Variants in RIN2 observed in about 807,000 individuals in gnomAD.
RIN2 encodes Ras and Rab interactor 2, also known as RAB5 interacting protein 2.
RIN2 carries 36 observed loss-of-function variants against 78.0 expected under a neutral mutation model. The observed-to-expected ratio is 0.46, with a 90% CI of 0.35 to 0.61. The LOEUF (loss-of-function observed/expected upper bound fraction) is 0.61, where lower values mean the gene tolerates loss of function less well. RIN2 is among the 20% of genes least tolerant of loss of function. The pLI is 0.00. For synonymous variants in RIN2, 466 were observed against 466.8 expected (o/e 1.00, Z 0.02); for missense variants, 1,087 against 1,159.7 (o/e 0.94, Z 0.91).
chr20:19,932,360 A>C (rs1271878644), intron 3 of RIN2, among the ~76,000 whole-genome samples: 1 of 152,200 alleles, frequency 6.6e-6, no homozygotes, highest in Non-Finnish European at 1.5e-5. Context: ...TTCTGTTCTT[A>C]ATAAATTAGC....
At chr20:19,816,276 G>T (rs1263834014) in intron 2 of RIN2, among the ~76,000 whole-genome samples, 4 of 152,148 alleles carry the variant, frequency 2.6e-5, no homozygotes, top group Admixed American at 1.3e-4. Flanking sequence ...GTTTCCACTT[G>T]CAGTTAGCAT....
rs370646119 is a variant in RIN2, at chr20:19,975,159, C to T, written c.1134C>T (p.Ser378=). ...LEAEGGAKTL[S]GGRPGAGPEL... ...CAGAGGGCGGTGCAAAGACCTTGAGCGGCGGCCGGCCGGGCGCAGGCCCGG... is the reference window on the plus strand; with the variant it reads ...CAGAGGGCGGTGCAAAGACCTTGAGTGGCGGCCGGCCGGGCGCAGGCCCGG... The change falls in exon 9 of 13, where the codon AGC becomes AGT. Residue 378 remains serine, a synonymous_variant. Coordinates refer to ENST00000255006, the MANE Select transcript of RIN2 (RefSeq NM_018993.4). The surrounding 1 kb of genome is among the most constrained non-coding windows in gnomAD (Gnocchi z 4.9). 34 of 1,611,994 alleles carry T rather than the reference C, an allele frequency of 2.1e-5. No individual in the cohort carries two copies. The highest frequency in any genetic ancestry group is 8.0e-5 in the African/African-American group (6 of 75,002).
intron 4 of RIN2, 29 bp from the exon 5 acceptor site, chr20:19,956,576 ACTGCAGCCAG>A (rs1238346362): frequency 6.3e-7 from 1 of 1,588,992 alleles, no homozygotes; most frequent in Non-Finnish European, 8.6e-7. Flanking sequence ...GGGAAATGGT[ACTGCAGCCAG>A]CTGACCGTGC....
chr20:19,902,528 A>T (rs1282786459), intron 3 of RIN2, among the ~76,000 whole-genome samples: 1 of 152,182 alleles, frequency 6.6e-6, no homozygotes, highest in Non-Finnish European at 1.5e-5. Flanking sequence ...CCAGGAGGAC[A>T]TCCTTCCTCA....
At chr20:19,872,526 C>A (rs1035093943) in intron 2 of RIN2, among the ~76,000 whole-genome samples, 1 of 152,170 alleles carries the variant, frequency 6.6e-6, no homozygotes, top group Non-Finnish European at 1.5e-5. Context: ...TCTGCCTGGC[C>A]GTCTGAGGGT....
intron 3 of RIN2, among the ~76,000 whole-genome samples, chr20:19,907,097 T>G (rs2039251112): frequency 6.6e-6 from 1 of 151,920 alleles, no homozygotes; most frequent in Non-Finnish European, 1.5e-5. Context: ...AGAGAGTACA[T>G]GTGCATGCAA....
chr20:19,831,268 C>A (rs1045386334), intron 2 of RIN2, among the ~76,000 whole-genome samples: 1 of 152,214 alleles, frequency 6.6e-6, no homozygotes, highest in African/African-American at 2.4e-5. Context: ...TAAATTTTTA[C>A]ATTAACATTT....
chr20:19,931,132 C>A (rs1009444403), intron 3 of RIN2, among the ~76,000 whole-genome samples: 1 of 152,100 alleles, frequency 6.6e-6, no homozygotes, highest in African/African-American at 2.4e-5. Context: ...AGCCCATTGA[C>A]CTGTGAACAC....
intron 3 of RIN2, among the ~76,000 whole-genome samples, chr20:19,892,217 A>ATTT: frequency 6.6e-6 from 1 of 151,852 alleles, no homozygotes; most frequent in African/African-American, 2.4e-5. Flanking sequence ...TTCATTAATT[A>ATTT]ATTAATTAAT....
intron 4 of RIN2, among the ~76,000 whole-genome samples, chr20:19,954,920 C>T (rs187419829): frequency 2.1e-3 from 317 of 152,260 alleles, no homozygotes; most frequent in Non-Finnish European, 3.1e-3. Context: ...AGTATTGGCA[C>T]CAAAAGGATG....
At position 19,799,204 on chromosome 20, in the gene RIN2, T is replaced by C. The variant is rs188160778; in HGVS notation, c.-162-418T>C. On this transcript the variant is annotated intron_variant, in intron 1 of 12. Transcript: ENST00000255006. ...AGGCCAGTCACTGTGCCTGGAGATA[T>C]AGGAATTTCTTATTCTGATTAGTCC... Among the ~76,000 whole-genome samples, 445 of 152,212 alleles carry C rather than the reference T, an allele frequency of 2.9e-3. 5 individuals are homozygous for C. Among genetic ancestry groups the C allele is most frequent in the Non-Finnish European group, 1.5e-3 (105 of 68,020 alleles).
Position 20,002,067 on chromosome 20 carries a change from A to T in RIN2, c.*1131A>T, listed in dbSNP as rs2043154885. ...GGGACCAGAAACCAAGTAATGTATA[A>T]TGTGGCTTTTGTTGAGTTAAATAAG... On this transcript the variant is annotated 3_prime_UTR_variant, in exon 13 of 13. Transcript: ENST00000255006. 6.6e-6 allele frequency: 1 copy of T among 152,416 alleles called. No homozygotes were observed. The highest frequency in any genetic ancestry group is 2.4e-5 in the African/African-American group (1 of 41,468). 9.4% of individuals were successfully genotyped at this position (152,416 alleles called of 1,614,324 possible).
At chr20:19,763,799 G>A (rs982246026) in intron 1 of RIN2, among the ~76,000 whole-genome samples, 2 of 152,180 alleles carry the variant, frequency 1.3e-5, no homozygotes, top group African/African-American at 4.8e-5. Context: ...TGTAGGAATG[G>A]TTATAAAGGT....
rs60782177 is a variant in RIN2 at position 19,875,980 on chromosome 20, G to A, written c.-36-13586G>A. ...TGAGGAGGAAAGTAAGGGCACAGCC[G>A]GGGTCCCTCCCTCTGAGGCTTTGAG... On this transcript the variant is annotated intron_variant, in intron 2 of 12. Coordinates refer to ENST00000255006, the MANE Select transcript of RIN2 (RefSeq NM_018993.4). 2.4e-3 allele frequency among the ~76,000 whole-genome samples: 358 copies of A among 152,304 alleles called. 2 individuals carry two copies. Among genetic ancestry groups the A allele is most frequent in the African/African-American group, 8.1e-3 (337 of 41,570 alleles).
chr20:19,994,952 C>T (rs2042908896), intron 11 of RIN2, among the ~76,000 whole-genome samples: 2 of 152,092 alleles, frequency 1.3e-5, no homozygotes, highest in African/African-American at 4.8e-5. Flanking sequence ...CTCAGGGTGA[C>T]CCAGATTATG....
Position 19,826,098 on chromosome 20 carries a change from A to G in RIN2, c.-37+26351A>G, listed in dbSNP as rs73904809. Among the ~76,000 whole-genome samples, 480 of 133,750 alleles carry G rather than the reference A, an allele frequency of 3.6e-3. 1 individual carries two copies. The highest frequency in any genetic ancestry group is 0.013 in the African/African-American group (460 of 34,886). 87.7% of individuals were successfully genotyped at this position (133,750 alleles called of 152,430 possible). Reference sequence around the variant, plus strand: ...GCTAATATATGCATTATTATGGTTAATATTTTTAACAATAACTTGCAAAGT... The same window carrying G: ...GCTAATATATGCATTATTATGGTTAGTATTTTTAACAATAACTTGCAAAGT... On this transcript the variant is annotated intron_variant, in intron 2 of 12. Transcript: ENST00000255006.
chr20:19,941,160 A>T (rs999447959), intron 4 of RIN2, among the ~76,000 whole-genome samples: 1 of 152,202 alleles, frequency 6.6e-6, no homozygotes, highest in Non-Finnish European at 1.5e-5. Context: ...TCTCAATGTT[A>T]CAATGTAGCA....
intron 3 of RIN2, among the ~76,000 whole-genome samples, chr20:19,909,518 T>C (rs764384798): frequency 5.9e-5 from 9 of 152,118 alleles, no homozygotes; most frequent in Non-Finnish European, 1.0e-4. Flanking sequence ...TTTGTGTGCT[T>C]GTGTGCACGT....
At chr20:19,957,963 C>G (rs2041607933) in intron 5 of RIN2, among the ~76,000 whole-genome samples, 1 of 152,172 alleles carries the variant, frequency 6.6e-6, no homozygotes, top group South Asian at 2.1e-4. Context: ...TAAAATAATA[C>G]TTAACACGCA....
Sources: allele counts gnomAD v4.1 joint callset (sites outside exome capture counted in the v4.1 genomes callset), GRCh38; gene constraint gnomAD v4.1.1; non-coding constraint Gnocchi (gnomAD v3.1); transcripts MANE v1.5; gene names NCBI Gene and HGNC (gene_info 2026-07-23, HGNC 2026-07-21).